RAD18: variants seen among roughly 807,000 people sequenced by gnomAD.
RAD18 encodes the protein E3 ubiquitin-protein ligase RAD18.
RAD18 carries 47 observed loss-of-function variants against 60.4 expected under a neutral mutation model. The observed-to-expected ratio is 0.78, with a 90% confidence interval of 0.62 to 0.99. The LOEUF is 0.99. Ranked by LOEUF, RAD18 falls within the 50% of genes least tolerant of loss-of-function variation. The probability of loss-of-function intolerance (pLI) is 0.00; values close to 1 mark genes in which losing one functional copy is unlikely to be tolerated. For synonymous variants in RAD18, 225 were observed against 195.5 expected, an observed-to-expected ratio of 1.15 and a Z score of -1.26; for missense variants, 640 against 593.3, an observed-to-expected ratio of 1.08 and a Z score of -0.82.
chr3:8,913,348 T>A (rs1457538488), intron 8 of RAD18, among the ~76,000 whole-genome samples: 1 of 152,162 alleles, frequency 6.6e-6, no homozygotes, highest in African/African-American at 2.4e-5. Flanking sequence ...AGAGGTAGCT[T>A]ATCAAACACA....
chr3:8,948,511 C>T lies in RAD18; in HGVS notation c.193G>A (p.Val65Met). The T allele has an allele frequency of 1.2e-6, 2 of 1,611,536 alleles. No individual in the cohort carries two copies. The highest frequency in any genetic ancestry group is 1.7e-6 in the Non-Finnish European group (2 of 1,178,306). ...AAAAAAAGGAAACAAAAACTCACCA[C>T]ACAGCAAGTTGGACACTGAGTTTTA... ...SYKTQCPTCC[V>M]TVTEPDLKNN... Residue 65 changes from valine (V) to methionine (M), a missense_variant and splice_region_variant, in exon 3 of 13, where the codon GTG becomes ATG. Transcript: ENST00000264926.
intron 7 of RAD18, among the ~76,000 whole-genome samples, chr3:8,935,295 C>A (rs990813662): frequency 6.6e-6 from 1 of 152,114 alleles, no homozygotes; most frequent in African/African-American, 2.4e-5. Flanking sequence ...AAAGAACCAA[C>A]CACTAAATAG....
At chr3:8,910,417 G>A (rs989848646) in intron 9 of RAD18, among the ~76,000 whole-genome samples, 4 of 152,074 alleles carry the variant, frequency 2.6e-5, no homozygotes, top group Non-Finnish European at 5.9e-5. Context: ...TGGCTAACAC[G>A]GTGAAACCCC....
chr3:8,914,479 T>C (rs1388248067), intron 7 of RAD18, among the ~76,000 whole-genome samples: 3 of 152,326 alleles, frequency 2.0e-5, no homozygotes, highest in East Asian at 1.9e-4. Context: ...AGCTGGGTAG[T>C]AGGCATATGG....
In RAD18 at chr3:8,963,289, C is replaced by T. The variant is rs768295096; in HGVS notation, c.51+46G>A. 3.9e-6 allele frequency: 6 copies of T among 1,558,138 alleles called. No homozygotes were observed. The South Asian group carries it at 7.0e-5, about 18-fold the overall frequency. On this transcript the variant is annotated intron_variant, in intron 1 of 12. Transcript: ENST00000264926. ...ACATCCTCCTCAAAGGGAGGGACCT[C>T]CCCCCGCAGACACCCGGGAGCTCCC...
chr3:8,913,681 G>T lies in RAD18; in HGVS notation c.929C>A (p.Thr310Asn). ...IVREIENIEK[T>N]RMRLEASKLN... ...TTTACTAGCTTCAAGACGCATCCTA[G>T]TCTTCTCTATATTTTCGATTTCTCG... is the stretch of plus-strand genomic sequence containing the variant. Residue 310 changes from threonine to asparagine, a missense_variant, in exon 8 of 13, where the codon ACT becomes AAT. Physicochemically the swap from Thr to Asn is moderately conservative, Grantham distance 65 (BLOSUM62 0). Transcript: ENST00000264926. 1 of 1,578,690 alleles carries T rather than the reference G, an allele frequency of 6.3e-7. No homozygotes were observed. The highest frequency in any genetic ancestry group is 8.6e-7 in the Non-Finnish European group (1 of 1,160,242).
intron 7 of RAD18, among the ~76,000 whole-genome samples, chr3:8,921,802 T>C (rs548955067): frequency 7.0e-4 from 107 of 152,220 alleles, no homozygotes; most frequent in Admixed American, 1.8e-3. Context: ...ATGGTAAATG[T>C]GTAGGTAAAC....
chr3:8,904,648 G>C (rs535397084), intron 9 of RAD18, among the ~76,000 whole-genome samples: 1 of 152,122 alleles, frequency 6.6e-6, no homozygotes, highest in Non-Finnish European at 1.5e-5. Flanking sequence ...TTCACTCTAC[G>C]CACTTGAGGA....
chr3:8,903,156 C>A (rs1002045384), intron 9 of RAD18, among the ~76,000 whole-genome samples: 8 of 152,254 alleles, frequency 5.3e-5, no homozygotes, highest in Non-Finnish European at 1.0e-4. Flanking sequence ...TGTCATGGAA[C>A]CTTCTTTTTA....
chr3:8,950,776 T>C (rs1014314072), intron 2 of RAD18, among the ~76,000 whole-genome samples: 2 of 152,148 alleles, frequency 1.3e-5, no homozygotes, highest in Non-Finnish European at 2.9e-5. Context: ...ATGGAAAAAG[T>C]AGACAACATG....
chr3:8,907,323 C>G (rs1940026075), intron 9 of RAD18, among the ~76,000 whole-genome samples: 1 of 152,088 alleles, frequency 6.6e-6, no homozygotes, highest in Non-Finnish European at 1.5e-5. Flanking sequence ...TGAAGTTATT[C>G]CATGGCTGGA....
chr3:8,910,828 T>C lies in RAD18; in HGVS notation c.1027+1484A>G, dbSNP rs140980601. 8.5e-5 allele frequency among the ~76,000 whole-genome samples: 13 copies of C among 152,210 alleles called. 1 individual carries two copies. The East Asian group carries it at 2.3e-3, about 27-fold the overall frequency. Reference sequence around the variant, plus strand: ...TAGCACATCAATAGTTAATGTGAAATTGAAAAACTTCAAGAAGTAGCAGAA... The same window carrying C: ...TAGCACATCAATAGTTAATGTGAAACTGAAAAACTTCAAGAAGTAGCAGAA... On this transcript the variant is annotated intron_variant, in intron 9 of 12. Coordinates refer to ENST00000264926, the MANE Select transcript of RAD18 (RefSeq NM_020165.4).
chr3:8,884,972 T>C (rs1452938852), intron 12 of RAD18, among the ~76,000 whole-genome samples: 1 of 152,212 alleles, frequency 6.6e-6, no homozygotes, highest in Non-Finnish European at 1.5e-5. Context: ...AATTTGACAA[T>C]AGCATGTTAG....
intron 6 of RAD18, among the ~76,000 whole-genome samples, chr3:8,937,145 G>T (rs1940667276): frequency 6.6e-6 from 1 of 152,202 alleles, no homozygotes; most frequent in African/African-American, 2.4e-5. Context: ...CTACAAGGTT[G>T]ATAAAATTAT....
intron 2 of RAD18, among the ~76,000 whole-genome samples, chr3:8,956,126 A>G (rs938057653): frequency 2.0e-5 from 3 of 152,196 alleles, no homozygotes; most frequent in Non-Finnish European, 4.4e-5. Context: ...GATCTTAGCA[A>G]CCTCAGCATA....
intron 11 of RAD18, among the ~76,000 whole-genome samples, chr3:8,895,614 A>G (rs2125048807): frequency 6.6e-6 from 1 of 151,100 alleles, no homozygotes; most frequent in Non-Finnish European, 1.5e-5. Flanking sequence ...TATAAAGAGT[A>G]AGGTTTAAAC....
chr3:8,887,245 C>G (rs905825590), intron 12 of RAD18, among the ~76,000 whole-genome samples: 4 of 152,178 alleles, frequency 2.6e-5, no homozygotes, highest in African/African-American at 9.7e-5. Context: ...GATTTTAAGT[C>G]TGTGAACCAC....
intron 7 of RAD18, among the ~76,000 whole-genome samples, chr3:8,922,782 C>T (rs751366430): frequency 9.2e-5 from 14 of 152,188 alleles, no homozygotes; most frequent in Non-Finnish European, 1.8e-4. Context: ...CTGCAGCCTC[C>T]GCTGGTGATA....
At chr3:8,892,416 A>G (rs1939707076) in intron 11 of RAD18, among the ~76,000 whole-genome samples, 1 of 152,332 alleles carries the variant, frequency 6.6e-6, no homozygotes, top group South Asian at 2.1e-4. Flanking sequence ...CTCACTGGCA[A>G]AGATTCAAAA....
Sources: allele counts gnomAD v4.1 joint callset (sites outside exome capture counted in the v4.1 genomes callset), GRCh38; gene constraint gnomAD v4.1.1; transcripts MANE v1.5; gene names NCBI Gene and HGNC (gene_info 2026-07-23, HGNC 2026-07-21).